PCDHA13: variants seen among roughly 807,000 people sequenced by gnomAD.
PCDHA13 encodes protocadherin alpha-13.
PCDHA13 carries 54 observed loss-of-function variants against 64.8 expected under a neutral mutation model. The observed-to-expected ratio is 0.83, with a 90% CI of 0.67 to 1.04. The LOEUF (loss-of-function observed/expected upper bound fraction) is 1.04. Ranked by LOEUF, PCDHA13 falls within the 50% of genes least tolerant of loss-of-function variation. The pLI is 0.00. For missense variants in PCDHA13, 1,248 were observed against 1,254.3 expected (o/e 0.99, Z 0.08); for synonymous variants, 587 against 564.4 (o/e 1.04, Z -0.57).
chr5:140,967,700 G>A lies in PCDHA13; in HGVS notation c.2395-11249G>A. ...GGAGAGGCAGCTCTTCAGCATAGAT[G>A]CCAGTACCGGGGAAGTGCGAGTAAT... On this transcript the variant is annotated intron_variant, in intron 1 of 3. Transcript: ENST00000289272. 4 of 1,614,196 alleles carry A rather than the reference G, an allele frequency of 2.5e-6. No homozygotes were observed. In the South Asian group the frequency reaches 4.4e-5, roughly 18 times the overall value.
chr5:140,966,589 GGCCAGGA>G (rs1554228448), intron 1 of PCDHA13: 2 of 580,716 alleles, frequency 3.4e-6, no homozygotes, highest in Non-Finnish European at 5.5e-6. Flanking sequence ...AGGACGGTGG[GGCCAGGA>G]GCCCTTGGGA....
intron 1 of PCDHA13, among the ~76,000 whole-genome samples, chr5:140,911,457 A>G (rs1225259689): frequency 6.6e-6 from 1 of 152,144 alleles, no homozygotes; most frequent in Non-Finnish European, 1.5e-5. Flanking sequence ...CTCTTTCTCT[A>G]CAGGAGATAA....
rs782520879 is a variant in PCDHA13, at chr5:141,009,808, T to A, written c.2724T>A (p.Ile908=). Residue 908 remains isoleucine (I), a synonymous_variant, in exon 4 of 4, where the codon ATT becomes ATA. Transcript: ENST00000289272. ...GGCAGGAGCCTACTAACAGCCAAAT[T>A]GACAAAAGTGACTTCATAACCTTCG... The part of the protein sequence containing the change: ...SIRQEPTNSQ[I]DKSDFITFGK... The A allele has an allele frequency of 1.2e-6, 2 of 1,613,832 alleles. No homozygotes were observed. The highest frequency in any genetic ancestry group is 2.2e-5 in the South Asian group (2 of 91,042).
At chr5:140,885,832 T>C (rs888778134) in intron 1 of PCDHA13, among the ~76,000 whole-genome samples, 1 of 152,244 alleles carries the variant, frequency 6.6e-6, no homozygotes, top group South Asian at 2.1e-4. Flanking sequence ...TTCTTTGATT[T>C]ATCCATTAAG....
chr5:140,994,417 T>C (rs1401833924), intron 3 of PCDHA13, among the ~76,000 whole-genome samples: 1 of 152,078 alleles, frequency 6.6e-6, no homozygotes, highest in East Asian at 1.9e-4. Context: ...ATACTGGATA[T>C]TGAGGCCGGG....
At chr5:141,004,935 A>AATTTCTT (rs2098189293) in intron 3 of PCDHA13, among the ~76,000 whole-genome samples, 1 of 152,112 alleles carries the variant, frequency 6.6e-6, no homozygotes, top group African/African-American at 2.4e-5. Context: ...GAGAGAAGAA[A>AATTTCTT]ATTTCTTACC....
chr5:140,968,758 T>C, intron 1 of PCDHA13: 1 of 1,614,150 alleles, frequency 6.2e-7, no homozygotes, highest in South Asian at 1.1e-5. Flanking sequence ...TGGTCCGAGA[T>C]AATGGAGAGC....
At chr5:140,927,533 C>T in intron 1 of PCDHA13, 1 of 1,614,102 alleles carries the variant, frequency 6.2e-7, no homozygotes, top group Non-Finnish European at 8.5e-7. Flanking sequence ...CCTGCCCGCT[C>T]AGGAGACGCA....
At chr5:140,990,836 C>G (rs1358432111) in intron 3 of PCDHA13, among the ~76,000 whole-genome samples, 1 of 152,120 alleles carries the variant, frequency 6.6e-6, no homozygotes, top group East Asian at 1.9e-4. Context: ...AGCCTATTAG[C>G]AAAAATAGAG....
chr5:140,927,505 G>C, intron 1 of PCDHA13: 2 of 1,614,120 alleles, frequency 1.2e-6, no homozygotes, highest in Middle Eastern at 1.6e-4. Context: ...GGTGCTTACA[G>C]CTCGGGACGG....
chr5:140,929,927 G>A (rs2086481303), intron 1 of PCDHA13: 1 of 152,202 alleles, frequency 6.6e-6, no homozygotes, highest in Non-Finnish European at 1.5e-5. Flanking sequence ...ATAAAAAACA[G>A]TGTATTCTCT....
chr5:140,889,424 A>G (rs2062220483), intron 1 of PCDHA13, among the ~76,000 whole-genome samples: 1 of 151,956 alleles, frequency 6.6e-6, no homozygotes, highest in African/African-American at 2.4e-5. Context: ...CGTAGATAAT[A>G]TTTTTTCAGG....
At chr5:140,972,906 C>T (rs1554234702) in intron 1 of PCDHA13, among the ~76,000 whole-genome samples, 1 of 152,048 alleles carries the variant, frequency 6.6e-6, no homozygotes, top group African/African-American at 2.4e-5. Context: ...TTGTGATCCA[C>T]CCGCCTTGGC....
At chr5:140,987,880 T>A (rs2097271532) in intron 3 of PCDHA13, among the ~76,000 whole-genome samples, 1 of 152,112 alleles carries the variant, frequency 6.6e-6, no homozygotes, top group Non-Finnish European at 1.5e-5. Context: ...AAATGGACAG[T>A]TTATGTGCCC....
rs192086826 is a variant in PCDHA13, at chr5:140,981,520, G to C, written c.2454-955G>C. ...ACCTGGGAGGCAGAGGTTGCAGTGA[G>C]CTGAGATCGTGCCACTGTACTCCAG... On this transcript the variant is annotated intron_variant, in intron 2 of 3. Coordinates refer to ENST00000289272, the MANE Select transcript of PCDHA13 (RefSeq NM_018904.3). Among the ~76,000 whole-genome samples the C allele has an allele frequency of 3.3e-5, 5 of 152,342 alleles. No homozygotes were observed. The East Asian group carries it at 9.6e-4, about 29-fold the overall frequency.
intron 1 of PCDHA13, among the ~76,000 whole-genome samples, chr5:140,964,532 G>A (rs995586958): frequency 2.0e-5 from 3 of 152,156 alleles, no homozygotes; most frequent in Non-Finnish European, 4.4e-5. Context: ...TCTGAGCTGC[G>A]TGCAGAGATG....
At chr5:140,898,015 T>C (rs376663063) in intron 1 of PCDHA13, among the ~76,000 whole-genome samples, 3 of 152,154 alleles carry the variant, frequency 2.0e-5, no homozygotes, top group Non-Finnish European at 4.4e-5. Context: ...TCATATCCTT[T>C]GCCCACTTTT....
chr5:141,009,132 G>A (rs2098400947), intron 3 of PCDHA13, among the ~76,000 whole-genome samples: 1 of 152,204 alleles, frequency 6.6e-6, no homozygotes, highest in African/African-American at 2.4e-5. Flanking sequence ...GTATCCTGGT[G>A]AAAAAACCTG....
At chr5:141,009,459 A>T in intron 3 of PCDHA13, 168 bp from the exon 4 acceptor site, 3 of 950,878 alleles carry the variant, frequency 3.2e-6, no homozygotes, top group Non-Finnish European at 3.8e-6. Context: ...AATTAAACAA[A>T]TAAATAAATA....
Sources: allele counts gnomAD v4.1 joint callset (sites outside exome capture counted in the v4.1 genomes callset), GRCh38; gene constraint gnomAD v4.1.1; transcripts MANE v1.5; gene names NCBI Gene and HGNC (gene_info 2026-07-23, HGNC 2026-07-21).